The following TRPM1 variants were observed in gnomAD, a reference collection of about 807,000 sequenced individuals.
TRPM1 encodes TRPM1-203 APA Isoform, Intron 10.
Under a neutral mutation model 149.4 loss-of-function variants are expected in TRPM1, and 113 were observed. That is an observed-to-expected ratio of 0.76 (90% CI 0.65 to 0.88). The LOEUF is 0.88. Ranked by LOEUF, TRPM1 falls within the 40% of genes least tolerant of loss-of-function variation. The probability of loss-of-function intolerance (pLI) is 0.00; values close to 1 mark genes in which losing one functional copy is unlikely to be tolerated. For synonymous variants in TRPM1, 741 were observed against 759.5 expected, an observed-to-expected ratio of 0.98 and a Z score of 0.40; for missense variants, 1,976 against 2,038.7, an observed-to-expected ratio of 0.97 and a Z score of 0.59.
At chr15:31,071,978 A>C (rs981601377) in intron 3 of TRPM1, among the ~76,000 whole-genome samples, 2 of 62,390 alleles carry the variant, frequency 3.2e-5, no homozygotes, top group Non-Finnish European at 5.8e-5. Flanking sequence ...AAAAAAAAAA[A>C]ACATATATAT....
At chr15:31,005,702 C>G (rs142326880) in intron 27 of TRPM1, among the ~76,000 whole-genome samples, 1 of 152,102 alleles carries the variant, frequency 6.6e-6, no homozygotes, top group South Asian at 2.1e-4. Flanking sequence ...TTTTATAGTA[C>G]GTATGAAAGA....
At chr15:31,037,884 TG>T in intron 19 of TRPM1, 42 bp from the exon 20 acceptor site, 1 of 1,613,876 alleles carries the variant, frequency 6.2e-7, no homozygotes, top group Non-Finnish European at 8.5e-7. Context: ...GGTGGCTAAA[TG>T]GGAAATGCAA....
intron 1 of TRPM1, among the ~76,000 whole-genome samples, chr15:31,113,259 G>A (rs2035727011): frequency 2.0e-5 from 3 of 152,130 alleles, no homozygotes; most frequent in Admixed American, 1.3e-4. Flanking sequence ...GGCTCCACAG[G>A]ACAGGACCCC....
In TRPM1 at chr15:31,047,100, C is replaced by T. The variant is rs376882401; in HGVS notation, c.1764+11G>A. 9 of 1,614,116 alleles carry T rather than the reference C, an allele frequency of 5.6e-6. No homozygotes were observed. In the African/African-American group the frequency reaches 8.0e-5, roughly 14 times the overall value. ...CGAACCACAGAACACTACACAGGCA[C>T]TGAGTTCTACCCTCTTTGGTCCAAA... On this transcript the variant is annotated intron_variant, in intron 15 of 27. Coordinates refer to ENST00000256552, the MANE Select transcript of TRPM1 (RefSeq NM_001252024.2).
chr15:31,002,523 AGTCT>A lies in TRPM1; in HGVS notation c.4173_4176del (p.Asp1392LeufsTer11), dbSNP rs767762692. 1.4e-4 allele frequency: 224 copies of A among 1,614,040 alleles called. No homozygotes were observed. Among genetic ancestry groups the A allele is most frequent in the Non-Finnish European group, 1.7e-4 (197 of 1,180,004 alleles). ...GGGGAAATAGTTTCTTCTTTTTTAG[AGTCT>A]GTCTGTCTTTCATCATCTTCCTTTG... On this transcript the variant is annotated frameshift_variant, in exon 28 of 28. Transcript: ENST00000256552. LOFTEE classifies it low-confidence loss of function (END_TRUNC).
At chr15:31,067,840 G>T in intron 5 of TRPM1, 39 bp downstream of exon 5, 1 of 1,595,738 alleles carries the variant, frequency 6.3e-7, no homozygotes. Context: ...AGTTCTGGGT[G>T]GTACATTGAT....
At chr15:31,146,823 C>T (rs970389280) in intron 1 of TRPM1, among the ~76,000 whole-genome samples, 1 of 152,156 alleles carries the variant, frequency 6.6e-6, no homozygotes, top group Non-Finnish European at 1.5e-5. Context: ...CCCATCTCTA[C>T]TAAAAATACA....
chr15:31,038,202 A>G (rs1284755172), intron 18 of TRPM1, 36 bp from the exon 19 acceptor site: 2 of 1,611,904 alleles, frequency 1.2e-6, no homozygotes, highest in Non-Finnish European at 1.7e-6. Context: ...AGCTGTGGCA[A>G]TTCTAGAAAA....
At chr15:31,107,772 C>T (rs778059872) in intron 1 of TRPM1, among the ~76,000 whole-genome samples, 18 of 151,740 alleles carry the variant, frequency 1.2e-4, no homozygotes, top group Admixed American at 3.3e-4. Flanking sequence ...TATTTTATAA[C>T]TTTTCTTGTG....
intron 1 of TRPM1, among the ~76,000 whole-genome samples, chr15:31,127,686 G>A (rs187182195): frequency 6.2e-4 from 94 of 152,260 alleles, no homozygotes; most frequent in African/African-American, 2.1e-3. Context: ...GGGACAGGGT[G>A]GCGAGAAGGC....
intron 23 of TRPM1, among the ~76,000 whole-genome samples, chr15:31,029,696 T>C (rs1046486900): frequency 6.6e-6 from 1 of 152,184 alleles, no homozygotes; most frequent in African/African-American, 2.4e-5. Flanking sequence ...GAAAAAGACA[T>C]GATGTTACTG....
intron 2 of TRPM1, among the ~76,000 whole-genome samples, chr15:31,079,230 C>T (rs1490791261): frequency 6.6e-6 from 1 of 152,068 alleles, no homozygotes; most frequent in Non-Finnish European, 1.5e-5. Flanking sequence ...AACAAATTGC[C>T]CCAAAACTTA....
chr15:31,160,826 CT>C (rs1484895553), intron 1 of TRPM1: 14 of 1,474,700 alleles, frequency 9.5e-6, no homozygotes, highest in Middle Eastern at 1.7e-4. Context: ...GGCCAGCACT[CT>C]GAGATGACAG....
chr15:31,050,605 T>C (rs777501842), intron 11 of TRPM1, 23 bp from the exon 12 acceptor site: 1 of 1,613,488 alleles, frequency 6.2e-7, no homozygotes, highest in African/African-American at 1.3e-5. Flanking sequence ...GCAATCAGAG[T>C]TGGGAAATGG....
chr15:31,156,446 C>T (rs568878814), intron 1 of TRPM1, among the ~76,000 whole-genome samples: 175 of 152,192 alleles, frequency 1.1e-3, no homozygotes, highest in African/African-American at 4.1e-3. Context: ...GGGTGGCCAC[C>T]TAAGAGACAT....
chr15:31,139,360 A>C (rs1255418177), intron 1 of TRPM1, among the ~76,000 whole-genome samples: 2 of 152,212 alleles, frequency 1.3e-5, no homozygotes, highest in Non-Finnish European at 2.9e-5. Context: ...TGTTTAGGCC[A>C]ATAGAACAGG....
At chr15:31,153,775 G>A (rs1277472490) in intron 1 of TRPM1, among the ~76,000 whole-genome samples, 1 of 152,198 alleles carries the variant, frequency 6.6e-6, no homozygotes, top group Admixed American at 6.5e-5. Context: ...CATGTTGTCA[G>A]GAGCTCCTGA....
chr15:31,050,660 C>A, intron 11 of TRPM1, 78 bp from the exon 12 acceptor site: 1 of 1,517,462 alleles, frequency 6.6e-7, no homozygotes. Context: ...TTGACCCTCC[C>A]ACCTCTGTAT....
chr15:31,127,834 G>C (rs1357094041), intron 1 of TRPM1, among the ~76,000 whole-genome samples: 1 of 152,210 alleles, frequency 6.6e-6, no homozygotes. Context: ...GGCTCCCAGA[G>C]GATGAGAAAC....
Sources: gnomAD v4.1 joint callset for allele counts (sites outside exome capture counted in the v4.1 genomes callset) on GRCh38, gnomAD v4.1.1 for gene constraint, MANE v1.5 for transcripts, NCBI Gene and HGNC (gene_info 2026-07-23, HGNC 2026-07-21) for gene names.